Variants in CCP110 observed in about 807,000 individuals in gnomAD.
CCP110 encodes the protein centriolar coiled-coil protein 110, also known as centriolar coiled-coil protein of 110 kDa.
In CCP110, 43 loss-of-function variants were observed where a neutral mutation model predicts 105.5. The observed-to-expected ratio is 0.41, with a 90% CI of 0.32 to 0.53. The LOEUF (loss-of-function observed/expected upper bound fraction) is 0.53. Ranked by LOEUF, CCP110 falls within the 20% of genes least tolerant of loss-of-function variation. The probability of loss-of-function intolerance (pLI) is 0.32; values close to 1 mark genes in which losing one functional copy is unlikely to be tolerated. For synonymous variants in CCP110, 353 were observed against 392.1 expected (o/e 0.90, Z 1.18); for missense variants, 1,016 against 1,189.1 (o/e 0.85, Z 2.14).
intron 2 of CCP110, among the ~76,000 whole-genome samples, chr16:19,532,079 T>C (rs545498159): frequency 1.3e-5 from 2 of 152,362 alleles, no homozygotes; most frequent in African/African-American, 4.8e-5. Flanking sequence ...TTCTGTCATT[T>C]TAGAACATTT....
chr16:19,548,672 AT>A lies in CCP110; in HGVS notation c.2986+73del. 1.1e-6 allele frequency: 1 copy of A among 914,210 alleles called. No homozygotes were observed. 56.6% of individuals were successfully genotyped at this position (914,210 alleles called of 1,614,324 possible). Reference sequence around the variant, plus strand: ...CACAAGCTGCCCCATAACTCAGGCCATAGAAGTGGAATAGATTGTCTTTCCT... The same window carrying A: ...CACAAGCTGCCCCATAACTCAGGCCAAGAAGTGGAATAGATTGTCTTTCCT... On this transcript the variant is annotated intron_variant, in intron 14 of 14. Transcript: ENST00000381396. This position sits in a 1 kb window ranked among gnomAD's most constrained non-coding sequence, Gnocchi z 4.1.
exon 15 of CCP110, chr16:19,551,824 T>G (rs1356944064): frequency 6.6e-6 from 1 of 152,360 alleles, no homozygotes. Context: ...GTCACCATTT[T>G]GGTCAGAAGC....
chr16:19,551,739 T>C (rs1306317798), exon 15 of CCP110: 2 of 153,592 alleles, frequency 1.3e-5, no homozygotes, highest in African/African-American at 4.8e-5. Context: ...AACCACTCAA[T>C]GTCCACTTTC....
chr16:19,553,037 G>A (rs1401140637), exon 15 of CCP110: 1 of 152,160 alleles, frequency 6.6e-6, no homozygotes, highest in Non-Finnish European at 1.5e-5. Context: ...ATAGCATTGT[G>A]GGTCTCTCCA....
intron 4 of CCP110, among the ~76,000 whole-genome samples, chr16:19,538,060 A>C (rs75964070): frequency 0.044 from 6,706 of 151,994 alleles, 264 homozygotes; most frequent in East Asian, 0.18. Context: ...CACGACACCC[A>C]GCCAGGATTT....
intron 2 of CCP110, among the ~76,000 whole-genome samples, chr16:19,529,992 T>G (rs891214810): frequency 6.6e-6 from 1 of 151,684 alleles, no homozygotes; most frequent in East Asian, 2.0e-4. Flanking sequence ...ATCCCCAGAG[T>G]TTGAGACCAG....
chr16:19,530,139 G>A (rs1009032022), intron 2 of CCP110, among the ~76,000 whole-genome samples: 1 of 152,026 alleles, frequency 6.6e-6, no homozygotes, highest in African/African-American at 2.4e-5. Context: ...TGAGGCTGCG[G>A]TGAACCCTGA....
exon 4 of CCP110, chr16:19,537,427 G>T: frequency 6.2e-7 from 1 of 1,613,760 alleles, no homozygotes; most frequent in East Asian, 2.2e-5. Flanking sequence ...AAGTTAAACG[G>T]AGACTTGATT....
chr16:19,544,863 C>T lies in CCP110; in HGVS notation c.2551C>T (p.Gln851Ter), dbSNP rs1970408411. 1 of 1,602,522 alleles carries T rather than the reference C, an allele frequency of 6.2e-7. No individual in the cohort carries two copies. The change falls in exon 9 of 15, where the codon CAA (glutamine) becomes TAA (stop). Residue 851 changes from glutamine (Q) to a stop codon, truncating the protein, a stop_gained. Coordinates refer to ENST00000381396, the Ensembl canonical transcript of CCP110. LOFTEE classifies it high-confidence loss of function. ...ATTAAAGAGAGGCATTGTTTCAGCT[C>T]AAGATGCTTCACTTCAGGAAAGAGT... is the stretch of plus-strand genomic sequence containing the variant.
intron 1 of CCP110, chr16:19,526,134 A>C (rs901264167): frequency 1.3e-5 from 2 of 152,244 alleles, no homozygotes; most frequent in Non-Finnish European, 2.9e-5. Context: ...GATATAGGAC[A>C]TATATGTACT....
intron 4 of CCP110, among the ~76,000 whole-genome samples, chr16:19,538,330 T>TTTTTTTTTG (rs1970155126): frequency 8.0e-6 from 1 of 125,630 alleles, no homozygotes; most frequent in African/African-American, 3.1e-5. Flanking sequence ...TTTTTTTTTT[T>TTTTTTTTTG]GAGACAGTCT....
Position 19,531,028 on chromosome 16 carries a change from T to A in CCP110, c.142-1388T>A, listed in dbSNP as rs1969849209. On this transcript the variant is annotated intron_variant, in intron 2 of 14. Transcript: ENST00000381396. ...GTTGCCCTCTATTAGTGATGTTTAG[T>A]TTGAACACTTGCTTACAGTAGTGAC... Among the ~76,000 whole-genome samples, 3 of 152,232 alleles carry A rather than the reference T, an allele frequency of 2.0e-5. No individual in the cohort carries two copies. In the South Asian group the frequency reaches 6.2e-4, roughly 32 times the overall value.
intron 1 of CCP110, chr16:19,526,030 A>G (rs1969659819): frequency 6.6e-6 from 1 of 152,458 alleles, no homozygotes; most frequent in Non-Finnish European, 1.5e-5. Context: ...AGTAATTTGT[A>G]TAATCTCCAT....
chr16:19,548,673 T>C lies in CCP110; in HGVS notation c.2986+73T>C. On this transcript the variant is annotated intron_variant, in intron 14 of 14. Coordinates refer to ENST00000381396, the Ensembl canonical transcript of CCP110. This position sits in a 1 kb window ranked among gnomAD's most constrained non-coding sequence, Gnocchi z 4.1. ...ACAAGCTGCCCCATAACTCAGGCCA[T>C]AGAAGTGGAATAGATTGTCTTTCCT... 7.6e-6 allele frequency: 7 copies of C among 916,144 alleles called. No individual in the cohort carries two copies. Among genetic ancestry groups the C allele is most frequent in the Non-Finnish European group, 1.2e-5 (7 of 594,908 alleles). The allele number at this position is 916,144 out of a possible 1,614,324, so 56.8% of individuals were successfully genotyped here.
chr16:19,537,078 A>T lies in CCP110; in HGVS notation c.1409A>T (p.Glu470Val), dbSNP rs751672362. The T allele has an allele frequency of 7.4e-5, 119 of 1,614,106 alleles. 1 individual carries two copies. In the Admixed American group the frequency reaches 2.0e-3, roughly 27 times the overall value. Reference sequence around the variant, plus strand: ...TGTCAATCTTCAGGAAATCATTTAGAAAATAAAGTTACTCATGGACTTGTT... The same window carrying T: ...TGTCAATCTTCAGGAAATCATTTAGTAAATAAAGTTACTCATGGACTTGTT... The change falls in exon 4 of 15, where the codon GAA (glutamate) becomes GTA (valine). Residue 470 changes from glutamate (E) to valine (V), a missense_variant. Transcript: ENST00000381396.
At chr16:19,545,412 G>A (rs2151481480) in intron 10 of CCP110, among the ~76,000 whole-genome samples, 1 of 152,204 alleles carries the variant, frequency 6.6e-6, no homozygotes, top group South Asian at 2.1e-4. Context: ...TTTTCTTATT[G>A]GATTTTAGAG....
In CCP110 at chr16:19,538,302, C is replaced by CTTTTTTTTTTTTT. The variant is rs1164690143; in HGVS notation, c.1918+731_1918+743dup. On this transcript the variant is annotated intron_variant, in intron 4 of 14. Transcript: ENST00000381396. ...ATATTAATAATTGGAGGAAACAGTT[C>CTTTTTTTTTTTTT]TTTTTTTTTTTTTTTTTTTTTTTTT... 2.4e-3 allele frequency among the ~76,000 whole-genome samples: 130 copies of CTTTTTTTTTTTTT among 55,244 alleles called. 29 individuals are homozygous for CTTTTTTTTTTTTT. Among genetic ancestry groups the CTTTTTTTTTTTTT allele is most frequent in the East Asian group, 7.6e-3 (11 of 1,438 alleles). 36.2% of individuals were successfully genotyped at this position (55,244 alleles called of 152,430 possible). A position where few individuals can be genotyped will look rare whatever the true frequency, so the allele number is the denominator to read the frequency against.
chr16:19,528,230 G>A (rs1969742756), intron 2 of CCP110, among the ~76,000 whole-genome samples: 1 of 152,200 alleles, frequency 6.6e-6, no homozygotes, highest in Non-Finnish European at 1.5e-5. Flanking sequence ...TGGAGAAAAT[G>A]CACTTTTAAT....
chr16:19,530,466 C>T (rs1184140896), intron 2 of CCP110, among the ~76,000 whole-genome samples: 4 of 151,278 alleles, frequency 2.6e-5, no homozygotes, highest in Admixed American at 6.6e-5. Flanking sequence ...GCCAACATGA[C>T]GAAACCCCGT....
Sources: allele counts gnomAD v4.1 joint callset (sites outside exome capture counted in the v4.1 genomes callset), GRCh38; gene constraint gnomAD v4.1.1; non-coding constraint Gnocchi (gnomAD v3.1); transcripts MANE v1.5; gene names NCBI Gene and HGNC (gene_info 2026-07-23, HGNC 2026-07-21).